Variants in DLG2 observed in about 807,000 individuals in gnomAD.
DLG2 encodes discs large MAGUK scaffold protein 2, also known as disks large homolog 2.
DLG2 carries 45 observed loss-of-function variants against 132.5 expected under a neutral mutation model. The observed-to-expected ratio is 0.34, with a 90% CI of 0.27 to 0.44. The LOEUF (loss-of-function observed/expected upper bound fraction) is 0.44. DLG2 is among the 20% of genes least tolerant of loss of function. DLG2 has a pLI of 1.00. For missense variants in DLG2, 1,045 were observed against 1,196.9 expected (o/e 0.87, Z 1.87); for synonymous variants, 424 against 419.6 (o/e 1.01, Z -0.13).
At chr11:84,801,345 G>A (rs903402689) in intron 6 of DLG2, among the ~76,000 whole-genome samples, 4 of 152,086 alleles carry the variant, frequency 2.6e-5, no homozygotes, top group South Asian at 2.1e-4. Flanking sequence ...CGAGGCGGGC[G>A]GATCACGAGG....
rs190540003 is a variant in DLG2 at position 84,170,415 on chromosome 11, A to G, written c.574-6904T>C. On this transcript the variant is annotated intron_variant, in intron 8 of 27. Coordinates refer to ENST00000376104, the MANE Select transcript of DLG2 (RefSeq NM_001142699.3). ...TGGGTGAAATATGGTTCCTGCCCTCAAATAACTCAGTCTAACAGATAGAGA... is the reference window on the plus strand; with the variant it reads ...TGGGTGAAATATGGTTCCTGCCCTCGAATAACTCAGTCTAACAGATAGAGA... Among the ~76,000 whole-genome samples, 983 of 152,304 alleles carry G rather than the reference A, an allele frequency of 6.5e-3. 3 individuals are homozygous for G. Among genetic ancestry groups the G allele is most frequent in the Non-Finnish European group, 0.01 (695 of 68,016 alleles).
chr11:85,546,132 C>T (rs2076308639), intron 3 of DLG2, among the ~76,000 whole-genome samples: 1 of 152,150 alleles, frequency 6.6e-6, no homozygotes, highest in African/African-American at 2.4e-5. Context: ...GCATTTAGTG[C>T]TATAAATTTC....
At chr11:83,887,093 A>T (rs1210289173) in intron 15 of DLG2, among the ~76,000 whole-genome samples, 1 of 152,250 alleles carries the variant, frequency 6.6e-6, no homozygotes, top group Non-Finnish European at 1.5e-5. Context: ...AGAAATAACT[A>T]AGATCAGAGC....
At chr11:85,581,601 A>G (rs1310559407) in intron 3 of DLG2, among the ~76,000 whole-genome samples, 1 of 152,172 alleles carries the variant, frequency 6.6e-6, no homozygotes, top group Non-Finnish European at 1.5e-5. Flanking sequence ...CTGGTGACAG[A>G]GTGAGACTCC....
chr11:85,540,232 G>A (rs772354165), intron 3 of DLG2, among the ~76,000 whole-genome samples: 1 of 152,128 alleles, frequency 6.6e-6, no homozygotes, highest in Non-Finnish European at 1.5e-5. Flanking sequence ...GTACCCAAAT[G>A]TTGCATTTTC....
chr11:85,081,776 A>G (rs2067261449), intron 6 of DLG2, among the ~76,000 whole-genome samples: 1 of 152,198 alleles, frequency 6.6e-6, no homozygotes, highest in Admixed American at 6.5e-5. Flanking sequence ...TAGATGTGCT[A>G]TCCAAGCAGC....
Position 84,207,081 on chromosome 11 carries a change from C to CTCTCTATATATATATA in DLG2, c.574-43571_574-43570insTATATATATATAGAGA, listed in dbSNP as rs148707321. Among the ~76,000 whole-genome samples the CTCTCTATATATATATA allele has an allele frequency of 2.0e-5, 3 of 147,000 alleles. No homozygotes were observed. In the South Asian group the frequency reaches 6.5e-4, roughly 32 times the overall value. ...TAAATCTCTCTCTCTCTCTCTCTCT[C>CTCTCTATATATATATA]TATATATATATATGTATGTATATAT... On this transcript the variant is annotated intron_variant, in intron 8 of 27. Coordinates refer to ENST00000376104, the MANE Select transcript of DLG2 (RefSeq NM_001142699.3).
chr11:83,719,829 G>C (rs1467550003), intron 18 of DLG2, among the ~76,000 whole-genome samples: 9 of 152,052 alleles, frequency 5.9e-5, no homozygotes, highest in Non-Finnish European at 1.0e-4. Flanking sequence ...ATATAATACA[G>C]GTTCTTAATC....
chr11:83,885,781 G>A (rs1486572601), intron 15 of DLG2, among the ~76,000 whole-genome samples: 1 of 152,274 alleles, frequency 6.6e-6, no homozygotes, highest in African/African-American at 2.4e-5. Flanking sequence ...AGAATAGAGT[G>A]GGGGCCAATA....
intron 6 of DLG2, among the ~76,000 whole-genome samples, chr11:85,020,610 T>C (rs370517783): frequency 1.3e-5 from 2 of 152,206 alleles, no homozygotes; most frequent in South Asian, 4.1e-4. Context: ...CATTTAAGTC[T>C]TTAATCCATC....
At chr11:84,672,399 G>C (rs900362872) in intron 6 of DLG2, among the ~76,000 whole-genome samples, 1 of 152,118 alleles carries the variant, frequency 6.6e-6, no homozygotes, top group Admixed American at 6.6e-5. Context: ...GAGACAGAGA[G>C]AGCGATCTGG....
At chr11:84,717,254 G>C (rs2061339365) in intron 6 of DLG2, among the ~76,000 whole-genome samples, 1 of 151,988 alleles carries the variant, frequency 6.6e-6, no homozygotes. Flanking sequence ...ACACTTAGTA[G>C]GTAATCTTGA....
chr11:85,412,752 C>CATAT (rs1458933936), intron 3 of DLG2, among the ~76,000 whole-genome samples: 3 of 125,430 alleles, frequency 2.4e-5, no homozygotes, highest in African/African-American at 9.7e-5. Flanking sequence ...CACACACACA[C>CATAT]ACACACACAT....
At chr11:85,352,972 C>G (rs1229828891) in intron 3 of DLG2, among the ~76,000 whole-genome samples, 2 of 152,032 alleles carry the variant, frequency 1.3e-5, no homozygotes, top group African/African-American at 4.8e-5. Flanking sequence ...GCAACAAAAG[C>G]CAAAATTGAC....
chr11:85,031,182 C>T (rs2060972371), intron 6 of DLG2, among the ~76,000 whole-genome samples: 1 of 151,738 alleles, frequency 6.6e-6, no homozygotes, highest in South Asian at 2.1e-4. Context: ...TTTTGTTTTG[C>T]TTCTGTGAGT....
intron 7 of DLG2, among the ~76,000 whole-genome samples, chr11:84,442,382 C>G (rs1004046353): frequency 6.6e-6 from 1 of 151,974 alleles, no homozygotes; most frequent in African/African-American, 2.4e-5. Flanking sequence ...CATGCAGGGA[C>G]ATGGATGAAG....
intron 6 of DLG2, among the ~76,000 whole-genome samples, chr11:84,979,877 T>C (rs1339393047): frequency 3.3e-5 from 5 of 151,776 alleles, no homozygotes; most frequent in Non-Finnish European, 7.4e-5. Context: ...CACATACAAG[T>C]ATGTGTTTAC....
chr11:83,981,794 A>G (rs949755744), intron 11 of DLG2, among the ~76,000 whole-genome samples: 1 of 152,214 alleles, frequency 6.6e-6, no homozygotes, highest in Non-Finnish European at 1.5e-5. Context: ...CAGAATATCA[A>G]ATCATTTTAA....
chr11:85,363,337 C>T (rs140470561), intron 3 of DLG2, among the ~76,000 whole-genome samples: 102 of 152,232 alleles, frequency 6.7e-4, no homozygotes, highest in Non-Finnish European at 3.8e-4. Context: ...AGCTGTCAAA[C>T]AGCTAGAATA....
Sources: gnomAD v4.1 joint callset for allele counts (sites outside exome capture counted in the v4.1 genomes callset) on GRCh38, gnomAD v4.1.1 for gene constraint, MANE v1.5 for transcripts, NCBI Gene and HGNC (gene_info 2026-07-23, HGNC 2026-07-21) for gene names.